Variants in PTPRS observed in about 807,000 individuals in gnomAD.
PTPRS encodes the protein receptor-type tyrosine-protein phosphatase S.
PTPRS carries 63 observed loss-of-function variants against 215.3 expected under a neutral mutation model. The observed-to-expected ratio is 0.29, with a 90% CI of 0.24 to 0.36. The LOEUF (loss-of-function observed/expected upper bound fraction) is 0.36. PTPRS is among the 10% of genes least tolerant of loss of function. The probability of loss-of-function intolerance (pLI) is 1.00; values close to 1 mark genes in which losing one functional copy is unlikely to be tolerated. For synonymous variants in PTPRS, 1,404 were observed against 1,191.4 expected (o/e 1.18, Z -3.68); for missense variants, 2,258 against 2,825.8 (o/e 0.80, Z 4.56).
chr19:5,269,678 T>G (rs767076648), intron 4 of PTPRS, among the ~76,000 whole-genome samples: 2 of 151,674 alleles, frequency 1.3e-5, no homozygotes, highest in East Asian at 3.9e-4. Context: ...TCCCAGCACT[T>G]TGGGAGGCTG....
intron 9 of PTPRS, among the ~76,000 whole-genome samples, chr19:5,255,075 T>TTA (rs1343556704): frequency 4.6e-5 from 7 of 152,360 alleles, no homozygotes; most frequent in African/African-American, 1.7e-4. Flanking sequence ...GGGTTTGGGC[T>TTA]TATTTGGGAG....
At chr19:5,228,021 C>G (rs1026068376) in intron 16 of PTPRS, among the ~76,000 whole-genome samples, 3 of 152,026 alleles carry the variant, frequency 2.0e-5, no homozygotes, top group East Asian at 3.9e-4. Flanking sequence ...CGGGGATGCA[C>G]AAACAGGGTC....
intron 6 of PTPRS, 100 bp downstream of exon 6, chr19:5,262,864 C>A (rs2046111180): frequency 3.1e-6 from 4 of 1,309,570 alleles, no homozygotes; most frequent in Non-Finnish European, 4.3e-6. Flanking sequence ...GTCACAGTTA[C>A]CATCACGGTG....
At chr19:5,337,793 G>A (rs2050553647) in intron 1 of PTPRS, among the ~76,000 whole-genome samples, 1 of 152,164 alleles carries the variant, frequency 6.6e-6, no homozygotes, top group South Asian at 2.1e-4. Flanking sequence ...GAAATTGGGG[G>A]AAAATGGACT....
Position 5,257,585 on chromosome 19 carries a change from G to A in PTPRS, c.706+432C>T. The A allele has an allele frequency of 2.4e-6, 1 of 420,132 alleles. No homozygotes were observed. Among genetic ancestry groups the A allele is most frequent in the Non-Finnish European group, 4.8e-6 (1 of 209,390 alleles). 26.0% of individuals were successfully genotyped at this position (420,132 alleles called of 1,614,324 possible). Reference sequence around the variant, plus strand: ...CGGGGAGCTACGAGGCCACAAAGTTGGGAGAAGCAAAGCCAGCACACAGCA... The same window carrying A: ...CGGGGAGCTACGAGGCCACAAAGTTAGGAGAAGCAAAGCCAGCACACAGCA... On this transcript the variant is annotated intron_variant, in intron 8 of 37. Coordinates refer to ENST00000262963, the MANE Select transcript of PTPRS (RefSeq NM_002850.4). The surrounding 1 kb of genome is among the most constrained non-coding windows in gnomAD (Gnocchi z 4.4).
intron 6 of PTPRS, among the ~76,000 whole-genome samples, chr19:5,262,008 C>T (rs1420076075): frequency 2.0e-5 from 3 of 152,168 alleles, no homozygotes; most frequent in Non-Finnish European, 4.4e-5. Context: ...CGTGGTGGCT[C>T]ACGCCTGTAA....
chr19:5,253,745 A>T (rs918663573), intron 9 of PTPRS, among the ~76,000 whole-genome samples: 1 of 152,248 alleles, frequency 6.6e-6, no homozygotes. Flanking sequence ...TCTTATTCAA[A>T]CAGTGGACAT....
intron 16 of PTPRS, 63 bp from the exon 17 acceptor site, chr19:5,225,907 C>A: frequency 2.2e-6 from 3 of 1,360,020 alleles, no homozygotes; most frequent in Middle Eastern, 4.1e-4. Context: ...CCCACCCCCA[C>A]TCCCCGTGCT....
chr19:5,273,740 T>C (rs1044091279), intron 3 of PTPRS, among the ~76,000 whole-genome samples, 157 bp from the exon 4 acceptor site: 4 of 152,032 alleles, frequency 2.6e-5, no homozygotes, highest in African/African-American at 9.7e-5. Flanking sequence ...TGCACGTGTG[T>C]CGGTGTCCAG....
intron 18 of PTPRS, among the ~76,000 whole-genome samples, 193 bp from the exon 19 acceptor site, chr19:5,222,413 A>G (rs1221642475): frequency 2.1e-5 from 3 of 139,584 alleles, no homozygotes; most frequent in Non-Finnish European, 4.6e-5. Context: ...CTGCTTCGGG[A>G]GACGGCACGG....
At chr19:5,325,074 C>A (rs186176639) in intron 1 of PTPRS, among the ~76,000 whole-genome samples, 1 of 152,284 alleles carries the variant, frequency 6.6e-6, no homozygotes. Context: ...ATTTTCCCCT[C>A]CCCGACAATC....
chr19:5,210,923 G>T lies in PTPRS; in HGVS notation c.5235-118C>A. ...TGACAGCTACACCTACCACCCCACT[G>T]CCTGCCAGGAATGGCTGCTGGGTGC... On this transcript the variant is annotated intron_variant, in intron 33 of 37. Transcript: ENST00000262963. This position sits in a 1 kb window ranked among gnomAD's most constrained non-coding sequence, Gnocchi z 4.5. 1 of 1,370,612 alleles carries T rather than the reference G, an allele frequency of 7.3e-7. No homozygotes were observed. The highest frequency in any genetic ancestry group is 9.7e-7 in the Non-Finnish European group (1 of 1,027,430). 84.9% of individuals were successfully genotyped at this position (1,370,612 alleles called of 1,614,324 possible). A position where few individuals can be genotyped will look rare whatever the true frequency, so the allele number is the denominator to read the frequency against.
At chr19:5,303,328 G>C (rs1345185927) in intron 1 of PTPRS, among the ~76,000 whole-genome samples, 2 of 152,172 alleles carry the variant, frequency 1.3e-5, no homozygotes, top group Non-Finnish European at 2.9e-5. Flanking sequence ...GCAGGGCTTG[G>C]TGTAGCTCCT....
At chr19:5,313,464 C>T (rs62115120) in intron 1 of PTPRS, among the ~76,000 whole-genome samples, 7,400 of 152,266 alleles carry the variant, frequency 0.049, 222 homozygotes, top group Admixed American at 0.073. Context: ...GGGAGCGAGG[C>T]GGCTGGCTCG....
intron 6 of PTPRS, among the ~76,000 whole-genome samples, chr19:5,262,537 G>GCCGAGC (rs969663946): frequency 3.3e-5 from 5 of 152,102 alleles, no homozygotes; most frequent in African/African-American, 1.2e-4. Flanking sequence ...TCCACTCCAC[G>GCCGAGC]CCCAGCCCCA....
In PTPRS at chr19:5,301,601, C is replaced by T. The variant is rs192889274; in HGVS notation, c.-94-15367G>A. Among the ~76,000 whole-genome samples the T allele has an allele frequency of 4.3e-4, 66 of 152,048 alleles. No individual in the cohort carries two copies. In the East Asian group the frequency reaches 9.8e-3, roughly 22 times the overall value. ...AAAGTGCCAGGATTACATGCATGAG[C>T]CTCCACACCTGGCTGTAAATGCATT... On this transcript the variant is annotated intron_variant, in intron 1 of 37. Transcript: ENST00000262963.
chr19:5,262,178 G>A (rs1373747904), intron 6 of PTPRS, among the ~76,000 whole-genome samples: 2 of 152,184 alleles, frequency 1.3e-5, no homozygotes, highest in African/African-American at 2.4e-5. Context: ...AGGAGACTGA[G>A]GCAGGAGAAT....
intron 1 of PTPRS, among the ~76,000 whole-genome samples, chr19:5,314,001 G>A (rs2147171439): frequency 6.6e-6 from 1 of 151,998 alleles, no homozygotes; most frequent in Non-Finnish European, 1.5e-5. Flanking sequence ...GCCAGGCATG[G>A]TGGCGTGTGT....
rs577918542 is a variant in PTPRS at position 5,210,418 on chromosome 19, T to C, written c.5487+51A>G. The C allele has an allele frequency of 5.0e-6, 8 of 1,612,320 alleles. No homozygotes were observed. In the African/African-American group the frequency reaches 1.1e-4, roughly 22 times the overall value. On this transcript the variant is annotated intron_variant, in intron 35 of 37. Coordinates refer to ENST00000262963, the MANE Select transcript of PTPRS (RefSeq NM_002850.4). The surrounding 1 kb of genome is among the most constrained non-coding windows in gnomAD (Gnocchi z 4.5). Reference sequence around the variant, plus strand: ...TCCATCACCAACCAGGGCAGCCCTTTCCAGATCACTAAGGCTCCAGCCCCT... The same window carrying C: ...TCCATCACCAACCAGGGCAGCCCTTCCCAGATCACTAAGGCTCCAGCCCCT...
Sources: gnomAD v4.1 joint callset for allele counts (sites outside exome capture counted in the v4.1 genomes callset) on GRCh38, gnomAD v4.1.1 for gene constraint, Gnocchi (gnomAD v3.1) non-coding constraint, MANE v1.5 for transcripts, NCBI Gene and HGNC (gene_info 2026-07-23, HGNC 2026-07-21) for gene names.